The following MECOM variants were observed in gnomAD, a reference collection of about 807,000 sequenced individuals.
MECOM encodes the protein MDS1 and EVI1 complex locus, also known as histone-lysine N-methyltransferase MECOM.
In MECOM, 13 loss-of-function variants were observed where a neutral mutation model predicts 116.3. The ratio of observed to expected loss-of-function variants is 0.11; its 90% CI spans 0.07 to 0.18. The LOEUF (loss-of-function observed/expected upper bound fraction) is 0.18. Ranked by LOEUF, MECOM falls within the 10% of genes least tolerant of loss-of-function variation. The probability of loss-of-function intolerance (pLI) is 1.00; values close to 1 mark genes in which losing one functional copy is unlikely to be tolerated. For synonymous variants in MECOM, 528 were observed against 535.2 expected (o/e 0.99, Z 0.19); for missense variants, 1,299 against 1,509.0 (o/e 0.86, Z 2.31).
At chr3:169,172,826 T>G (rs775079218) in intron 2 of MECOM, among the ~76,000 whole-genome samples, 6 of 152,162 alleles carry the variant, frequency 3.9e-5, no homozygotes, top group Non-Finnish European at 7.4e-5. Context: ...GTTGCTTGGC[T>G]TCAATGTGCA....
In MECOM at chr3:169,212,673, T is replaced by C. The variant is rs1342182437; in HGVS notation, c.376-68841A>G. Among the ~76,000 whole-genome samples the C allele has an allele frequency of 3.8e-3, 401 of 104,324 alleles. 19 individuals carry two copies. The highest frequency in any genetic ancestry group is 0.014 in the African/African-American group (368 of 26,982). 68.4% of individuals were successfully genotyped at this position (104,324 alleles called of 152,430 possible). ...ATATATATATATATATATATATATA[T>C]ATATATATATATGCAACAAAAGTAC... is the stretch of plus-strand genomic sequence containing the variant. On this transcript the variant is annotated intron_variant, in intron 2 of 16. Transcript: ENST00000651503.
chr3:169,117,899 G>C (rs1356396644), intron 7 of MECOM, among the ~76,000 whole-genome samples: 3 of 137,520 alleles, frequency 2.2e-5, no homozygotes, highest in African/African-American at 8.2e-5. Context: ...ACGGGATTGA[G>C]CCACGTTATG....
At chr3:169,418,815 C>G (rs1162098542) in intron 1 of MECOM, among the ~76,000 whole-genome samples, 1 of 152,036 alleles carries the variant, frequency 6.6e-6, no homozygotes, top group African/African-American at 2.4e-5. Context: ...AACCTGGAAG[C>G]ATTCCTTTTG....
At chr3:169,101,052 TCAATTAATCTTG>T in intron 11 of MECOM, 90 bp from the exon 12 acceptor site, 1 of 737,118 alleles carries the variant, frequency 1.4e-6, no homozygotes, top group Non-Finnish European at 2.2e-6. Context: ...TATTCCTGAT[TCAATTAATCTTG>T]CATGGAACTC....
rs550075690 is a variant in MECOM, at chr3:169,647,036, C to A, written c.37+16300G>T. Among the ~76,000 whole-genome samples the A allele has an allele frequency of 2.2e-4, 34 of 152,238 alleles. 1 individual carries two copies. Among genetic ancestry groups the A allele is most frequent in the African/African-American group, 7.9e-4 (33 of 41,548 alleles). On this transcript the variant is annotated intron_variant, in intron 1 of 16. Coordinates refer to ENST00000651503, the MANE Select transcript of MECOM (RefSeq NM_004991.4). ...TACTAAGAGTTGTATGAAATCATTT[C>A]TTTAAGTTAAAGTGTCTTTTTTCCA...
chr3:169,356,689 T>C (rs1381249900), intron 2 of MECOM, among the ~76,000 whole-genome samples: 1 of 151,946 alleles, frequency 6.6e-6, no homozygotes, highest in African/African-American at 2.4e-5. Context: ...AAATGTAAAA[T>C]CTGCAAGCAA....
rs145588884 is a variant in MECOM, at chr3:169,580,331, G to A, written c.37+83005C>T. On this transcript the variant is annotated intron_variant, in intron 1 of 16. Coordinates refer to ENST00000651503, the MANE Select transcript of MECOM (RefSeq NM_004991.4). ...TTTTGGTGGACCCATCACCCGAGCA[G>A]GGTACGCTGTACCCAATGTGTAGTG... is the stretch of plus-strand genomic sequence containing the variant. Among the ~76,000 whole-genome samples, 20 of 152,220 alleles carry A rather than the reference G, an allele frequency of 1.3e-4. 1 individual carries two copies. The East Asian group carries it at 3.9e-3, about 29-fold the overall frequency.
At chr3:169,221,567 TAAA>T (rs34439968) in intron 2 of MECOM, among the ~76,000 whole-genome samples, 2 of 132,368 alleles carry the variant, frequency 1.5e-5, no homozygotes, top group Non-Finnish European at 3.3e-5. Context: ...AAAGAGATGT[TAAA>T]AAAAAAAAAA....
At chr3:169,439,804 T>C (rs1743304055) in intron 1 of MECOM, among the ~76,000 whole-genome samples, 1 of 151,720 alleles carries the variant, frequency 6.6e-6, no homozygotes, top group Admixed American at 6.6e-5. Flanking sequence ...AAAAGACACA[T>C]CCACAAGAAA....
intron 1 of MECOM, among the ~76,000 whole-genome samples, chr3:169,538,162 C>T (rs1420762541): frequency 6.6e-6 from 1 of 152,224 alleles, no homozygotes; most frequent in Non-Finnish European, 1.5e-5. Context: ...GATTCAGCCA[C>T]TTCTCTGTCC....
At position 169,463,644 on chromosome 3, in the gene MECOM, A is replaced by G. The variant is rs542586555; in HGVS notation, c.38-82120T>C. On this transcript the variant is annotated intron_variant, in intron 1 of 16. Transcript: ENST00000651503. ...AACTTTTCATTTAGATGATGTAGCC[A>G]TATGAGAAATTCTGTGTAACTTGTT... 3.3e-5 allele frequency among the ~76,000 whole-genome samples: 5 copies of G among 152,214 alleles called. No individual in the cohort carries two copies. In the South Asian group the frequency reaches 6.2e-4, roughly 19 times the overall value.
chr3:169,440,870 A>C (rs1743532437), intron 1 of MECOM, among the ~76,000 whole-genome samples: 1 of 152,156 alleles, frequency 6.6e-6, no homozygotes, highest in Non-Finnish European at 1.5e-5. Context: ...CTGGATATGA[A>C]GAGATATTCA....
At chr3:169,223,192 A>G (rs1044541350) in intron 2 of MECOM, among the ~76,000 whole-genome samples, 3 of 151,428 alleles carry the variant, frequency 2.0e-5, no homozygotes, top group Admixed American at 6.6e-5. Context: ...GGTTTGTTAC[A>G]TATGTATACA....
At chr3:169,654,803 C>T (rs1415902701) in intron 1 of MECOM, among the ~76,000 whole-genome samples, 2 of 133,242 alleles carry the variant, frequency 1.5e-5, no homozygotes, top group African/African-American at 5.8e-5. Context: ...TAAGTACTTC[C>T]ACCTATCAAA....
chr3:169,110,131 T>A (rs1021241458), intron 9 of MECOM, among the ~76,000 whole-genome samples: 1 of 152,196 alleles, frequency 6.6e-6, no homozygotes, highest in Non-Finnish European at 1.5e-5. Context: ...ACATTAGCTA[T>A]GAAATCATAA....
chr3:169,402,804 C>T lies in MECOM; in HGVS notation c.38-21280G>A, dbSNP rs545789501. Among the ~76,000 whole-genome samples the T allele has an allele frequency of 7.2e-5, 11 of 152,266 alleles. No individual in the cohort carries two copies. The South Asian group carries it at 1.5e-3, about 20-fold the overall frequency. ...ATCACCCTTATGTTCCTACACTTTA[C>T]GATGTTCAATATTCTTTGGCAATCC... On this transcript the variant is annotated intron_variant, in intron 1 of 16. Transcript: ENST00000651503.
intron 1 of MECOM, among the ~76,000 whole-genome samples, chr3:169,617,669 T>C (rs971082814): frequency 4.6e-5 from 7 of 152,224 alleles, no homozygotes; most frequent in Non-Finnish European, 8.8e-5. Flanking sequence ...TTTCTCTTCT[T>C]TGAGCAACTT....
chr3:169,294,309 A>T (rs1560098495), intron 2 of MECOM, among the ~76,000 whole-genome samples: 1 of 152,228 alleles, frequency 6.6e-6, no homozygotes, highest in Non-Finnish European at 1.5e-5. Context: ...GAAAATAATC[A>T]TTTTAGAAAA....
At chr3:169,276,514 C>CT (rs1222239221) in intron 2 of MECOM, among the ~76,000 whole-genome samples, 1 of 145,846 alleles carries the variant, frequency 6.9e-6, no homozygotes, top group African/African-American at 2.6e-5. Flanking sequence ...GATCATGCCA[C>CT]TGCACTCCAG....
Sources: allele counts gnomAD v4.1 joint callset (sites outside exome capture counted in the v4.1 genomes callset), GRCh38; gene constraint gnomAD v4.1.1; transcripts MANE v1.5; gene names NCBI Gene and HGNC (gene_info 2026-07-23, HGNC 2026-07-21).